The following NUP35 variants were observed in gnomAD, a reference collection of about 807,000 sequenced individuals.
NUP35 encodes the protein nucleoporin NUP35.
NUP35 carries 25 observed loss-of-function variants against 41.5 expected under a neutral mutation model. That is an observed-to-expected ratio of 0.60 (90% CI 0.44 to 0.84). The LOEUF (loss-of-function observed/expected upper bound fraction) is 0.84, where lower values mean the gene tolerates loss of function less well. NUP35 is among the 40% of genes least tolerant of loss of function. NUP35 has a pLI of 0.00. For synonymous variants in NUP35, 149 were observed against 130.7 expected, an observed-to-expected ratio of 1.14 and a Z score of -0.96; for missense variants, 396 against 396.6, an observed-to-expected ratio of 1.00 and a Z score of 0.01.
At chr2:183,143,316 G>T (rs1460825061) in intron 4 of NUP35, among the ~76,000 whole-genome samples, 2 of 151,104 alleles carry the variant, frequency 1.3e-5, no homozygotes, top group African/African-American at 4.9e-5. Context: ...TTGCTGGTGA[G>T]CAAATATTTA....
Position 183,128,444 on chromosome 2 carries a change from A to G in NUP35, c.198A>G (p.Ser66=), listed in dbSNP as rs1163404697. 6.8e-6 allele frequency: 11 copies of G among 1,612,148 alleles called. No individual in the cohort carries two copies. In the Admixed American group the frequency reaches 1.7e-4, roughly 24 times the overall value. ...CAGTAGGAGTAATGGAAATGAGATC[A>G]CCTTTACTTGCAGGTAGGTGAATTG... The part of the protein sequence containing the change: ...GPSVGVMEMR[S]PLLAGGSPPQ... The change falls in exon 2 of 9, where the codon TCA becomes TCG. Residue 66 remains serine, a synonymous_variant. Coordinates refer to ENST00000295119, the MANE Select transcript of NUP35 (RefSeq NM_138285.5).
chr2:183,153,985 C>T (rs943079544), intron 5 of NUP35, among the ~76,000 whole-genome samples: 6 of 152,230 alleles, frequency 3.9e-5, no homozygotes, highest in Non-Finnish European at 8.8e-5. Context: ...GACTTCTGTG[C>T]ACCCACAGGC....
chr2:183,156,941 T>C (rs560519953), intron 5 of NUP35, among the ~76,000 whole-genome samples: 11 of 152,206 alleles, frequency 7.2e-5, no homozygotes, highest in Non-Finnish European at 1.5e-4. Context: ...ACTGTCCTTT[T>C]AAGTGATTCT....
chr2:183,151,826 T>A (rs1685477292), intron 5 of NUP35, among the ~76,000 whole-genome samples, 177 bp downstream of exon 5: 1 of 152,214 alleles, frequency 6.6e-6, no homozygotes, highest in African/African-American at 2.4e-5. Context: ...ATCTATCAAT[T>A]CATTCTTTTT....
At chr2:183,148,518 G>A (rs769728373) in intron 4 of NUP35, among the ~76,000 whole-genome samples, 2 of 152,148 alleles carry the variant, frequency 1.3e-5, no homozygotes, top group Non-Finnish European at 1.5e-5. Context: ...AGGTGATGAT[G>A]TAGTTTTGAA....
rs925794367 is a variant in NUP35 at position 183,152,280 on chromosome 2, T to A, written c.539+631T>A. Among the ~76,000 whole-genome samples, 13 of 152,044 alleles carry A rather than the reference T, an allele frequency of 8.6e-5. 1 individual carries two copies. Among genetic ancestry groups the A allele is most frequent in the Admixed American group, 5.9e-4 (9 of 15,232 alleles). On this transcript the variant is annotated intron_variant, in intron 5 of 8. Transcript: ENST00000295119. ...AAAAAAACTTTAAAATGCCTTTTTT[T>A]AAAAAAAATGCTTTTTTATTTCCAT...
chr2:183,159,779 C>A, intron 8 of NUP35, 127 bp downstream of exon 8: 1 of 661,318 alleles, frequency 1.5e-6, no homozygotes, highest in Non-Finnish European at 2.4e-6. Flanking sequence ...CTTGATGAAA[C>A]CTTTACGCTT....
At chr2:183,146,697 A>G (rs1486534797) in intron 4 of NUP35, among the ~76,000 whole-genome samples, 1 of 151,644 alleles carries the variant, frequency 6.6e-6, no homozygotes, top group African/African-American at 2.4e-5. Flanking sequence ...CCCGGGTTTG[A>G]GCGATTCTCT....
Position 183,130,414 on chromosome 2 carries a change from G to C in NUP35, c.212-4G>C. On this transcript the variant is annotated splice_region_variant and splice_polypyrimidine_tract_variant and intron_variant, in intron 2 of 8. Coordinates refer to ENST00000295119, the MANE Select transcript of NUP35 (RefSeq NM_138285.5). ...TTTTTTTTTTTTTTTTTTGTACACT[G>C]TAGGTGGGTCACCACCACAACCAGT... is the stretch of plus-strand genomic sequence containing the variant. 1.5e-6 allele frequency: 2 copies of C among 1,322,400 alleles called. No homozygotes were observed. Among genetic ancestry groups the C allele is most frequent in the South Asian group, 2.5e-5 (2 of 79,178 alleles). The allele number at this position is 1,322,400 out of a possible 1,614,324, so 81.9% of individuals were successfully genotyped here.
chr2:183,130,445 C>T lies in NUP35; in HGVS notation c.239C>T (p.Pro80Leu). ...AGGSPPQPVVPAHKDKSGAPP... is the reference protein window; with the variant it reads ...AGGSPPQPVVLAHKDKSGAPP... ...GGGTCACCACCACAACCAGTTGTAC[C>T]AGCTCATAAAGATAAAAGTGGCGCT... Residue 80 changes from proline to leucine, a missense_variant, in exon 3 of 9, where the codon CCA (proline) becomes CTA (leucine). By Grantham distance (98) the Pro-to-Leu change is moderately conservative (BLOSUM62 -3). Transcript: ENST00000295119. 6.2e-7 allele frequency: 1 copy of T among 1,605,620 alleles called. No individual in the cohort carries two copies. Among genetic ancestry groups the T allele is most frequent in the Non-Finnish European group, 8.5e-7 (1 of 1,177,954 alleles).
chr2:183,128,618 A>G (rs917503052), intron 2 of NUP35, among the ~76,000 whole-genome samples, 161 bp downstream of exon 2: 1 of 151,782 alleles, frequency 6.6e-6, no homozygotes, highest in Non-Finnish European at 1.5e-5. Context: ...AAAAAAATGC[A>G]AAAAAAATCT....
chr2:183,122,894 TA>T (rs34267983), upstream of NUP35, among the ~76,000 whole-genome samples: 90,106 of 151,692 alleles, frequency 0.59, 29,421 homozygotes, highest in East Asian at 0.98. Context: ...AATGTTACCT[TA>T]TATGGCAAAA....
chr2:183,157,349 TG>T lies in NUP35; in HGVS notation c.540-90del. The T allele has an allele frequency of 4.4e-6, 4 of 917,682 alleles. 1 individual carries two copies. The South Asian group carries it at 5.2e-5, about 12-fold the overall frequency. The allele number at this position is 917,682 out of a possible 1,614,324, so 56.8% of individuals were successfully genotyped here. A position where few individuals can be genotyped will look rare whatever the true frequency, so the allele number is the denominator to read the frequency against. On this transcript the variant is annotated intron_variant, in intron 5 of 8. Coordinates refer to ENST00000295119, the MANE Select transcript of NUP35 (RefSeq NM_138285.5). The stretch of plus-strand genomic sequence containing the variant: ...CTCTCCTGTTAACGTTCTAGACAGT[TG>T]GGGGCCATTTATCTTGAAACATTAT...
intron 4 of NUP35, among the ~76,000 whole-genome samples, chr2:183,142,634 C>T (rs1685137353): frequency 8.3e-6 from 1 of 120,424 alleles, no homozygotes; most frequent in East Asian, 2.1e-4. Context: ...ATGTGCACCA[C>T]ATGCTGGGCT....
chr2:183,119,209 G>A (rs1010417684), intron 1 of NUP35, among the ~76,000 whole-genome samples: 12 of 152,266 alleles, frequency 7.9e-5, no homozygotes, highest in East Asian at 1.9e-4. Flanking sequence ...TTTAACAACC[G>A]CCTGACATTC....
At chr2:183,124,385 C>A (rs965066581), upstream of NUP35, 1 of 1,613,314 alleles carries the variant, frequency 6.2e-7, no homozygotes, top group Non-Finnish European at 8.5e-7. Flanking sequence ...ACGCCGTTAC[C>A]CGTGGGGAGC....
At chr2:183,154,004 A>G (rs1397108890) in intron 5 of NUP35, among the ~76,000 whole-genome samples, 1 of 152,212 alleles carries the variant, frequency 6.6e-6, no homozygotes, top group Non-Finnish European at 1.5e-5. Flanking sequence ...GCTCAATACC[A>G]TGTGGAAGCT....
chr2:183,132,659 A>G (rs1684740289), intron 3 of NUP35, among the ~76,000 whole-genome samples: 1 of 152,244 alleles, frequency 6.6e-6, no homozygotes, highest in Admixed American at 6.5e-5. Flanking sequence ...GATGATACAG[A>G]CAAAGGCTTA....
chr2:183,152,835 A>G (rs910177235), intron 5 of NUP35, among the ~76,000 whole-genome samples: 2 of 152,162 alleles, frequency 1.3e-5, no homozygotes, highest in Admixed American at 6.5e-5. Flanking sequence ...TTTGATATTC[A>G]AGCTGATATT....
Sources: gnomAD v4.1 joint callset for allele counts (sites outside exome capture counted in the v4.1 genomes callset) on GRCh38, gnomAD v4.1.1 for gene constraint, MANE v1.5 for transcripts, NCBI Gene and HGNC (gene_info 2026-07-23, HGNC 2026-07-21) for gene names.